The following CLIP2 variants were observed in gnomAD, a reference collection of about 807,000 sequenced individuals.
CLIP2 encodes CAP-Gly domain containing linker protein 2, also known as CAP-Gly domain-containing linker protein 2.
A neutral mutation model predicts 111.7 loss-of-function variants in CLIP2; 41 were observed. The ratio of observed to expected loss-of-function variants is 0.37; its 90% CI spans 0.29 to 0.48. CLIP2 has a LOEUF of 0.48. CLIP2 is among the 20% of genes least tolerant of loss of function. The probability of loss-of-function intolerance (pLI) is 0.99; values close to 1 mark genes in which losing one functional copy is unlikely to be tolerated. For missense variants in CLIP2, 1,160 were observed against 1,422.1 expected, an observed-to-expected ratio of 0.82 and a Z score of 2.96; for synonymous variants, 660 against 644.2, an observed-to-expected ratio of 1.02 and a Z score of -0.37.
chr7:74,311,623 G>C (rs1554728521), intron 1 of CLIP2, among the ~76,000 whole-genome samples: 1 of 152,150 alleles, frequency 6.6e-6, no homozygotes, highest in Non-Finnish European at 1.5e-5. Context: ...CTGAATACCA[G>C]CCCTGGCTGG....
intron 11 of CLIP2, chr7:74,381,118 G>A (rs1463853108): frequency 3.3e-6 from 1 of 304,602 alleles, no homozygotes; most frequent in East Asian, 5.5e-5. Flanking sequence ...TAAACTTAAT[G>A]GAATATCAAA....
chr7:74,400,653 C>G (rs1554317430), intron 15 of CLIP2, 98 bp downstream of exon 15: 2 of 1,236,530 alleles, frequency 1.6e-6, no homozygotes, highest in Non-Finnish European at 2.2e-6. Context: ...CTTTAAAACC[C>G]CAGTCTGAGG....
At chr7:74,321,986 C>CTTTTTTTTTTTTTTTTTTTTTTTTTTCT (rs34549907) in intron 2 of CLIP2, among the ~76,000 whole-genome samples, 1 of 125,426 alleles carries the variant, frequency 8.0e-6, no homozygotes, top group Non-Finnish European at 1.6e-5. Context: ...TTTATTTTTC[C>CTTTTTTTTTTTTTTTTTTTTTTTTTTCT]TTTTTTTTTT....
intron 2 of CLIP2, among the ~76,000 whole-genome samples, chr7:74,327,963 G>A (rs1789164561): frequency 6.6e-6 from 1 of 152,230 alleles, no homozygotes; most frequent in Non-Finnish European, 1.5e-5. Flanking sequence ...AGGGGGCACA[G>A]AAGTGGGGTT....
chr7:74,401,632 T>C (rs1554317693), intron 16 of CLIP2, 65 bp downstream of exon 16: 1 of 1,483,956 alleles, frequency 6.7e-7, no homozygotes, highest in South Asian at 1.2e-5. Context: ...AGAAAATCCT[T>C]GAAACGTCAC....
rs1423087213 is a variant in CLIP2 at position 74,307,824 on chromosome 7, G to T, written c.-67-9656G>T. Among the ~76,000 whole-genome samples the T allele has an allele frequency of 3.3e-5, 5 of 152,260 alleles. No individual in the cohort carries two copies. The East Asian group carries it at 5.8e-4, about 18-fold the overall frequency. The stretch of plus-strand genomic sequence containing the variant: ...TTCTTCATACTGGAGGCTGCTGGGG[G>T]GTGGTTCAGGAGGGCTGGAGGTTAA... On this transcript the variant is annotated intron_variant, in intron 1 of 16. Transcript: ENST00000223398.
At chr7:74,369,180 G>T (rs967479792) in intron 8 of CLIP2, among the ~76,000 whole-genome samples, 1 of 151,702 alleles carries the variant, frequency 6.6e-6, no homozygotes, top group Non-Finnish European at 1.5e-5. Context: ...GTGAAACCCT[G>T]TCTCTACTAA....
chr7:74,382,339 C>CT (rs1790970526), intron 11 of CLIP2, among the ~76,000 whole-genome samples: 1 of 119,384 alleles, frequency 8.4e-6, no homozygotes, highest in Non-Finnish European at 1.7e-5. Flanking sequence ...GAGTCTCACT[C>CT]TGTTGCCCAG....
At chr7:74,335,270 C>CAAAA (rs36136697) in intron 2 of CLIP2, among the ~76,000 whole-genome samples, 9 of 99,834 alleles carry the variant, frequency 9.0e-5, no homozygotes, top group East Asian at 3.1e-4. Flanking sequence ...GACTCCATCT[C>CAAAA]AAAAAAAAAA....
chr7:74,350,999 G>GA (rs375180896), intron 3 of CLIP2, among the ~76,000 whole-genome samples: 2 of 63,116 alleles, frequency 3.2e-5, no homozygotes, highest in South Asian at 5.6e-4. Flanking sequence ...AAGAGAAGAA[G>GA]GAGAGAAAGA....
intron 1 of CLIP2, among the ~76,000 whole-genome samples, chr7:74,291,045 T>C (rs782326307): frequency 2.6e-5 from 4 of 152,096 alleles, no homozygotes; most frequent in Non-Finnish European, 5.9e-5. Flanking sequence ...GAATAAGGGC[T>C]TGGAGTCAGA....
chr7:74,381,262 C>T (rs1554313867), intron 11 of CLIP2, among the ~76,000 whole-genome samples: 1 of 152,050 alleles, frequency 6.6e-6, no homozygotes, highest in African/African-American at 2.4e-5. Flanking sequence ...GATCTCAGCT[C>T]ACTGCAACCT....
At chr7:74,362,828 C>A (rs1259835464) in intron 7 of CLIP2, among the ~76,000 whole-genome samples, 1 of 151,938 alleles carries the variant, frequency 6.6e-6, no homozygotes, top group Admixed American at 6.6e-5. Flanking sequence ...AGCCACTGTG[C>A]TCAGCCACAA....
chr7:74,318,140 T>C (rs1449747565), intron 2 of CLIP2, among the ~76,000 whole-genome samples: 1 of 150,300 alleles, frequency 6.7e-6, no homozygotes, highest in African/African-American at 2.5e-5. Context: ...AGACTCTGTC[T>C]CAAAAATAAA....
At chr7:74,290,021 G>A (rs1554725158) in intron 1 of CLIP2, among the ~76,000 whole-genome samples, 1 of 152,232 alleles carries the variant, frequency 6.6e-6, no homozygotes, top group African/African-American at 2.4e-5. Context: ...GGCATCACCA[G>A]CCTCATCGGG....
intron 1 of CLIP2, among the ~76,000 whole-genome samples, chr7:74,305,017 CT>C (rs1317343903): frequency 2.0e-5 from 3 of 152,006 alleles, no homozygotes; most frequent in Non-Finnish European, 4.4e-5. Context: ...CCCCAGTCCC[CT>C]CCCACCACCA....
rs1554318017 is a variant in CLIP2, at chr7:74,403,229, AAAAG to A, written c.3130-606_3130-603del. ...GAGACTGTCTCAAAAAAAAAAAAAA[AAAAG>A]AGAGAGAGATCCAGCCCCGTACAGG... On this transcript the variant is annotated intron_variant, in intron 16 of 16. Coordinates refer to ENST00000223398, the MANE Select transcript of CLIP2 (RefSeq NM_003388.5). 3.3e-5 allele frequency among the ~76,000 whole-genome samples: 5 copies of A among 151,664 alleles called. No individual in the cohort carries two copies. In the South Asian group the frequency reaches 6.2e-4, roughly 19 times the overall value.
intron 2 of CLIP2, among the ~76,000 whole-genome samples, chr7:74,330,697 A>G (rs1003011207): frequency 6.6e-6 from 1 of 152,172 alleles, no homozygotes; most frequent in African/African-American, 2.4e-5. Context: ...ACTGTCCTAC[A>G]TAACCTGGAC....
intron 1 of CLIP2, among the ~76,000 whole-genome samples, chr7:74,315,872 C>CTT (rs202020183): frequency 3.5e-5 from 5 of 142,858 alleles, no homozygotes; most frequent in South Asian, 2.2e-4. Context: ...TCTCCCAGCC[C>CTT]TTTTTTTTTT....
Sources: allele counts gnomAD v4.1 joint callset (sites outside exome capture counted in the v4.1 genomes callset), GRCh38; gene constraint gnomAD v4.1.1; transcripts MANE v1.5; gene names NCBI Gene and HGNC (gene_info 2026-07-23, HGNC 2026-07-21).